KALRN: variants seen among roughly 807,000 people sequenced by gnomAD.
The protein encoded by KALRN is kalirin.
In KALRN, 70 loss-of-function variants were observed where a neutral mutation model predicts 353.7. The observed-to-expected ratio is 0.20, with a 90% CI of 0.16 to 0.24. The LOEUF is 0.24. KALRN is among the 10% of genes least tolerant of loss of function. The probability of loss-of-function intolerance (pLI) is 1.00; values close to 1 mark genes in which losing one functional copy is unlikely to be tolerated. For synonymous variants in KALRN, 1,391 were observed against 1,434.8 expected, an observed-to-expected ratio of 0.97 and a Z score of 0.69; for missense variants, 2,791 against 3,756.7, an observed-to-expected ratio of 0.74 and a Z score of 6.72.
At chr3:124,556,388 C>A (rs1444929939) in intron 33 of KALRN, among the ~76,000 whole-genome samples, 3 of 152,116 alleles carry the variant, frequency 2.0e-5, no homozygotes, top group Admixed American at 6.5e-5. Flanking sequence ...CCAGACATTG[C>A]TTTACACATT....
intron 33 of KALRN, among the ~76,000 whole-genome samples, chr3:124,524,322 C>T (rs1438720831): frequency 6.6e-6 from 1 of 152,126 alleles, no homozygotes; most frequent in African/African-American, 2.4e-5. Context: ...AACTAGTCTG[C>T]GATTCTGAGT....
intron 1 of KALRN, among the ~76,000 whole-genome samples, chr3:124,089,878 T>C (rs2061017138): frequency 6.6e-6 from 1 of 152,154 alleles, no homozygotes; most frequent in East Asian, 1.9e-4. Context: ...CCACCACTGC[T>C]TACCTAAGGC....
intron 51 of KALRN, among the ~76,000 whole-genome samples, chr3:124,683,632 G>C (rs2061435614): frequency 6.6e-6 from 1 of 152,228 alleles, no homozygotes; most frequent in Admixed American, 6.5e-5. Flanking sequence ...CAGTTCATCA[G>C]AGTGAGAGGT....
intron 1 of KALRN, chr3:124,094,580 C>T: frequency 1.9e-6 from 1 of 535,836 alleles, no homozygotes; most frequent in South Asian, 2.2e-5. Flanking sequence ...CACGCATCTC[C>T]GACCTCCCCT....
chr3:124,362,263 T>G (rs1194135594), intron 10 of KALRN, among the ~76,000 whole-genome samples: 1 of 152,240 alleles, frequency 6.6e-6, no homozygotes, highest in Non-Finnish European at 1.5e-5. Flanking sequence ...TCTCTGCCAA[T>G]GAGCAACTGG....
chr3:124,522,193 A>G (rs1401987468), intron 33 of KALRN, among the ~76,000 whole-genome samples: 2 of 151,912 alleles, frequency 1.3e-5, no homozygotes, highest in Admixed American at 6.6e-5. Flanking sequence ...ATATGTACAT[A>G]TGCACAGGCA....
At position 124,334,693 on chromosome 3, in the gene KALRN, A is replaced by G. The variant is rs963164956; in HGVS notation, c.1647+198A>G. ...CCTGTGAATTGCATATTTCTTGCCTAAGTGACTGTATAGACTGGCCTTCTC... is the reference window on the plus strand; with the variant it reads ...CCTGTGAATTGCATATTTCTTGCCTGAGTGACTGTATAGACTGGCCTTCTC... On this transcript the variant is annotated intron_variant, in intron 9 of 59. Coordinates refer to ENST00000682506, the MANE Select transcript of KALRN (RefSeq NM_001388419.1). This position sits in a 1 kb window ranked among gnomAD's most constrained non-coding sequence, Gnocchi z 4.2. 5.3e-5 allele frequency among the ~76,000 whole-genome samples: 8 copies of G among 152,236 alleles called. No homozygotes were observed. The highest frequency in any genetic ancestry group is 1.2e-4 in the Non-Finnish European group (8 of 68,034).
intron 6 of KALRN, among the ~76,000 whole-genome samples, chr3:124,302,110 A>T (rs2077315259): frequency 1.3e-5 from 2 of 152,218 alleles, no homozygotes. Context: ...CAACCTCCCC[A>T]ACTTAAGGTT....
At chr3:124,262,239 C>A (rs1313609282) in intron 3 of KALRN, among the ~76,000 whole-genome samples, 1 of 152,116 alleles carries the variant, frequency 6.6e-6, no homozygotes, top group African/African-American at 2.4e-5. Flanking sequence ...AAATTTTAGA[C>A]ATGAGAAAAA....
At chr3:124,322,552 A>T (rs6784664) in intron 6 of KALRN, among the ~76,000 whole-genome samples, 2 of 151,904 alleles carry the variant, frequency 1.3e-5, no homozygotes, top group East Asian at 3.9e-4. Context: ...AGCTGTAAAG[A>T]GCCAAAATAT....
intron 34 of KALRN, among the ~76,000 whole-genome samples, chr3:124,582,359 A>G (rs1460025208): frequency 2.0e-5 from 3 of 152,062 alleles, no homozygotes; most frequent in Non-Finnish European, 2.9e-5. Flanking sequence ...CTGTTTTTGT[A>G]TGTGTTAGAA....
chr3:124,153,348 A>G lies in KALRN; in HGVS notation c.74-74642A>G, dbSNP rs1207328561. Among the ~76,000 whole-genome samples the G allele has an allele frequency of 5.6e-3, 811 of 144,782 alleles. 3 individuals carry two copies. The highest frequency in any genetic ancestry group is 0.019 in the African/African-American group (737 of 39,264). 95.0% of individuals were successfully genotyped at this position (144,782 alleles called of 152,430 possible). The stretch of plus-strand genomic sequence containing the variant: ...TGTTCTCATTGTTCAATTCCCATCT[A>G]TGAGTGAGAACATGCGGTGTTTCGT... On this transcript the variant is annotated intron_variant, in intron 1 of 59. Coordinates refer to ENST00000682506, the MANE Select transcript of KALRN (RefSeq NM_001388419.1).
At chr3:124,614,242 T>G (rs1561426417) in intron 34 of KALRN, among the ~76,000 whole-genome samples, 2 of 8,414 alleles carry the variant, frequency 2.4e-4, no homozygotes, top group African/African-American at 4.4e-4. Context: ...TCTAAAATTC[T>G]TATTTATTTA....
chr3:124,276,427 C>T (rs2074729143), intron 5 of KALRN, among the ~76,000 whole-genome samples: 1 of 152,116 alleles, frequency 6.6e-6, no homozygotes, highest in Admixed American at 6.5e-5. Context: ...CCCTAGAGCC[C>T]AAAACAGGAC....
At chr3:124,420,213 C>T (rs1018423939) in intron 14 of KALRN, among the ~76,000 whole-genome samples, 1 of 152,196 alleles carries the variant, frequency 6.6e-6, no homozygotes, top group African/African-American at 2.4e-5. Context: ...TCAGGACATG[C>T]TGGGAGCCTG....
chr3:124,384,569 G>A (rs1380712654), intron 10 of KALRN: 1 of 315,264 alleles, frequency 3.2e-6, no homozygotes. Flanking sequence ...AGCAGCTGGG[G>A]TATGGAGGTT....
rs1553707032 is a variant in KALRN, at chr3:124,642,806, G to GTTTTTTTGTTGTTGTTGTTTTTTTTTT, written c.5664+5510_5664+5511insGTTGTTGTTGTTTTTTTTTTTTTTTTT. ...TCTGTGGAAGAGATTCCCAAGCCTC[G>GTTTTTTTGTTGTTGTTGTTTTTTTTTT]TTTTTTTTTTTTTTTTTTTTGAGAC... On this transcript the variant is annotated intron_variant, in intron 37 of 59. Coordinates refer to ENST00000682506, the MANE Select transcript of KALRN (RefSeq NM_001388419.1). 8.9e-3 allele frequency among the ~76,000 whole-genome samples: 865 copies of GTTTTTTTGTTGTTGTTGTTTTTTTTTT among 96,746 alleles called. 34 individuals carry two copies. Among genetic ancestry groups the GTTTTTTTGTTGTTGTTGTTTTTTTTTT allele is most frequent in the East Asian group, 0.02 (41 of 2,098 alleles). 63.5% of individuals were successfully genotyped at this position (96,746 alleles called of 152,430 possible).
intron 1 of KALRN, among the ~76,000 whole-genome samples, chr3:124,034,918 C>T (rs1055486168): frequency 2.0e-5 from 3 of 152,110 alleles, no homozygotes; most frequent in Non-Finnish European, 4.4e-5. Context: ...TGGAGGGTCT[C>T]TGCACATCCA....
At position 124,454,671 on chromosome 3, in the gene KALRN, G is replaced by GA. The variant is rs2059128648; in HGVS notation, c.3553-506_3553-505insA. On this transcript the variant is annotated intron_variant, in intron 21 of 59. Transcript: ENST00000682506. The stretch of plus-strand genomic sequence containing the variant: ...ATTCAACCAACCATGAACTGAAAAT[G>GA]TTTTTTTTTCAAATGGATGGTTGTG... Among the ~76,000 whole-genome samples the GA allele has an allele frequency of 2.0e-5, 3 of 151,066 alleles. No homozygotes were observed. The South Asian group carries it at 6.3e-4, about 32-fold the overall frequency.
Sources: gnomAD v4.1 joint callset for allele counts (sites outside exome capture counted in the v4.1 genomes callset) on GRCh38, gnomAD v4.1.1 for gene constraint, Gnocchi (gnomAD v3.1) non-coding constraint, MANE v1.5 for transcripts, NCBI Gene and HGNC (gene_info 2026-07-23, HGNC 2026-07-21) for gene names.